Variants in METTL27 observed in about 807,000 individuals in gnomAD.
METTL27 encodes methyltransferase-like protein 27.
A neutral mutation model predicts 24.5 loss-of-function variants in METTL27; 29 were observed. The ratio of observed to expected loss-of-function variants is 1.18; its 90% confidence interval spans 0.88 to 1.61. The LOEUF (loss-of-function observed/expected upper bound fraction) is 1.61. Among genes scored for constraint, METTL27 ranks in the 40% most tolerant of loss-of-function variants. The pLI is 0.00. For synonymous variants in METTL27, 138 were observed against 146.8 expected (o/e 0.94, Z 0.43); for missense variants, 341 against 324.3 (o/e 1.05, Z -0.40).
intron 5 of METTL27, among the ~76,000 whole-genome samples, chr7:73,838,588 G>A (rs1215224645): frequency 6.6e-5 from 10 of 152,274 alleles, no homozygotes; most frequent in Admixed American, 1.3e-4. Flanking sequence ...GAGAGGCTCC[G>A]GAGCAGGGGA....
At chr7:73,841,350 T>G in intron 2 of METTL27, 152 bp from the exon 3 acceptor site, 2 of 1,173,980 alleles carry the variant, frequency 1.7e-6, no homozygotes, top group Non-Finnish European at 1.1e-6. Flanking sequence ...AGGCATGAGG[T>G]GCTTCCCATT....
intron 3 of METTL27, 50 bp from the exon 4 acceptor site, chr7:73,840,599 GGCTGGGTCCCTGC>G: frequency 6.5e-7 from 1 of 1,527,486 alleles, no homozygotes; most frequent in Non-Finnish European, 8.8e-7. Flanking sequence ...GCCACTTCCC[GGCTGGGTCCCTGC>G]ACCTTGGCAG....
intron 5 of METTL27, among the ~76,000 whole-genome samples, chr7:73,838,777 A>G (rs7811317): frequency 0.65 from 98,622 of 151,908 alleles, 32,758 homozygotes; most frequent in Non-Finnish European, 0.74. Flanking sequence ...AGGGCTCCCC[A>G]GATGCCTGCC....
At chr7:73,837,475 A>T (rs1169023608) in intron 5 of METTL27, among the ~76,000 whole-genome samples, 8 of 118,982 alleles carry the variant, frequency 6.7e-5, no homozygotes, top group Admixed American at 1.7e-4. Context: ...ATGTTCCAAT[A>T]AAAAAAAAAA....
intron 1 of METTL27, 100 bp from the exon 2 acceptor site, chr7:73,842,244 C>A: frequency 6.7e-7 from 1 of 1,488,614 alleles, no homozygotes. Context: ...TGCCAGGCCT[C>A]CTGCCAGCGC....
intron 1 of METTL27, 146 bp from the exon 2 acceptor site, chr7:73,842,290 C>G (rs1305291325): frequency 7.5e-7 from 1 of 1,341,518 alleles, no homozygotes; most frequent in Non-Finnish European, 9.9e-7. Context: ...GATGGGGACA[C>G]TGAGCGCAGA....
At chr7:73,838,246 T>C (rs1788262082) in intron 5 of METTL27, among the ~76,000 whole-genome samples, 2 of 152,182 alleles carry the variant, frequency 1.3e-5, no homozygotes, top group Admixed American at 6.5e-5. Context: ...TGACTGTGTC[T>C]GAATGGACAG....
chr7:73,836,263 TCCAGGAGGGAGGTGGGGGGG>T (rs1788191258), intron 5 of METTL27, among the ~76,000 whole-genome samples: 2 of 119,104 alleles, frequency 1.7e-5, no homozygotes, highest in African/African-American at 5.8e-5. Flanking sequence ...AGCCGCCCCG[TCCAGGAGGGAGGTGGGGGGG>T]TCAGCCCCCC....
rs1554636545 is a variant in METTL27, at chr7:73,842,023, C to A, written c.118G>T (p.Asp40Tyr). 13 of 1,614,152 alleles carry A rather than the reference C, an allele frequency of 8.1e-6. No homozygotes were observed. Among genetic ancestry groups the A allele is most frequent in the Non-Finnish European group, 1.1e-5 (13 of 1,180,012 alleles). The change falls in exon 2 of 6, where the codon GAC becomes TAC. Residue 40 changes from aspartate (D) to tyrosine (Y), a missense_variant. Asp to Tyr is a radical substitution (Grantham distance 160). Coordinates refer to ENST00000297873, the MANE Select transcript of METTL27 (RefSeq NM_152559.3). ...AAGGCCCCAAATGAGTTTACCTGGTCGTAGTCCGGAGCCCAGCGGTCATAG... is the reference window on the plus strand; with the variant it reads ...AAGGCCCCAAATGAGTTTACCTGGTAGTAGTCCGGAGCCCAGCGGTCATAG... ...HFYDRWAPDY[D>Y]QDVATLLYRA... is the part of the protein sequence containing the mutation.
rs1788114847 is a variant in METTL27, at chr7:73,834,840, C to G, written c.641G>C (p.Ser214Thr). 6.2e-7 allele frequency: 1 copy of G among 1,614,012 alleles called. No individual in the cohort carries two copies. Among genetic ancestry groups the G allele is most frequent in the Non-Finnish European group, 8.5e-7 (1 of 1,180,034 alleles). ...LWTAGSWLPP[S>T]WRWYPASLPR... ...CAGAGATGCCGGATACCACCTCCAG[C>G]TCGGAGGTAGCCAGCTCCCAGCGGT... Residue 214 changes from serine to threonine, a missense_variant, in exon 6 of 6, where the codon AGC becomes ACC. Transcript: ENST00000297873.
chr7:73,834,908 C>T lies in METTL27; in HGVS notation c.573G>A (p.Gly191=). Residue 191 remains glycine, a synonymous_variant, in exon 6 of 6, where the codon GGG becomes GGA. Transcript: ENST00000297873. ...GCCAGGCCACCAGGCCTTCCCACAT[C>T]CCAGCCTGCTCCAGCCTGTCCAGGG... ...EATLDRLEQA[G]MWEGLVAWPV... 2 of 1,614,128 alleles carry T rather than the reference C, an allele frequency of 1.2e-6. No homozygotes were observed. The highest frequency in any genetic ancestry group is 1.7e-6 in the Non-Finnish European group (2 of 1,180,026).
chr7:73,834,749 C>T lies in METTL27; in HGVS notation c.732G>A (p.Arg244=). 4 of 1,613,780 alleles carry T rather than the reference C, an allele frequency of 2.5e-6. No individual in the cohort carries two copies. Among genetic ancestry groups the T allele is most frequent in the Non-Finnish European group, 3.4e-6 (4 of 1,179,860 alleles). The change falls in exon 6 of 6, where the codon AGG becomes AGA. Residue 244 remains arginine, a synonymous_variant. Coordinates refer to ENST00000297873, the MANE Select transcript of METTL27 (RefSeq NM_152559.3). ...CTESGRRPRL[R]K ...GGGGGCTGGGGGCTGGATCTCACTTCCTCAACCTGGGTCGCCTTCCACTTT... is the reference window on the plus strand; with the variant it reads ...GGGGGCTGGGGGCTGGATCTCACTTTCTCAACCTGGGTCGCCTTCCACTTT...
Position 73,834,663 on chromosome 7 carries a change from G to C in METTL27, c.*80C>G. 6.1e-6 allele frequency: 8 copies of C among 1,307,932 alleles called. No homozygotes were observed. Among genetic ancestry groups the C allele is most frequent in the African/African-American group, 1.5e-5 (1 of 68,490 alleles). 81.0% of individuals were successfully genotyped at this position (1,307,932 alleles called of 1,614,324 possible). On this transcript the variant is annotated 3_prime_UTR_variant, in exon 6 of 6. Coordinates refer to ENST00000297873, the MANE Select transcript of METTL27 (RefSeq NM_152559.3). ...TGGTTCGGAGGTCCCATTTTACAGG[G>C]GAGGCAGAGGAGGCCCAGCAGATGG...
chr7:73,840,384 C>T, intron 4 of METTL27, 30 bp downstream of exon 4: 1 of 1,554,748 alleles, frequency 6.4e-7, no homozygotes, highest in Non-Finnish European at 8.7e-7. Flanking sequence ...GAGGGTGGGC[C>T]TCGGGGTGTG....
chr7:73,835,454 A>C (rs1368204885), intron 5 of METTL27, among the ~76,000 whole-genome samples: 2 of 143,822 alleles, frequency 1.4e-5, no homozygotes, highest in Non-Finnish European at 3.1e-5. Context: ...ACCGCACGTG[A>C]TCCACCAGCC....
chr7:73,839,076 A>G (rs1788284879), intron 5 of METTL27, among the ~76,000 whole-genome samples: 1 of 152,168 alleles, frequency 6.6e-6, no homozygotes, highest in Non-Finnish European at 1.5e-5. Context: ...TGAGGTCAGG[A>G]GTTCAAGACC....
intron 5 of METTL27, among the ~76,000 whole-genome samples, chr7:73,836,044 C>T (rs1195003755): frequency 1.4e-5 from 2 of 147,304 alleles, no homozygotes; most frequent in Admixed American, 1.3e-4. Flanking sequence ...AAGTGAGGAG[C>T]GTCTCCGCCC....
chr7:73,842,450 G>A, intron 1 of METTL27, 40 bp downstream of exon 1: 1 of 349,348 alleles, frequency 2.9e-6, no homozygotes, highest in Non-Finnish European at 5.2e-6. Context: ...GCGACATCCG[G>A]AGCGAAACGG....
Position 73,841,215 on chromosome 7 carries a change from G to A in METTL27, c.124-17C>T, listed in dbSNP as rs782255098. The stretch of plus-strand genomic sequence containing the variant: ...GGCCACATCCTGGGGAAAGAGTGCC[G>A]GGCCTACAACACCGGTGCCCCAGTG... On this transcript the variant is annotated splice_polypyrimidine_tract_variant and intron_variant, in intron 2 of 5. Coordinates refer to ENST00000297873, the MANE Select transcript of METTL27 (RefSeq NM_152559.3). The A allele has an allele frequency of 6.4e-6, 10 of 1,553,914 alleles. No homozygotes were observed. Among genetic ancestry groups the A allele is most frequent in the East Asian group, 2.5e-5 (1 of 39,754 alleles).
Sources: allele counts gnomAD v4.1 joint callset (sites outside exome capture counted in the v4.1 genomes callset), GRCh38; gene constraint gnomAD v4.1.1; transcripts MANE v1.5; gene names NCBI Gene and HGNC (gene_info 2026-07-23, HGNC 2026-07-21).